CD96: variants seen among roughly 807,000 people sequenced by gnomAD.
CD96 encodes CD96 molecule.
CD96 carries 70 observed loss-of-function variants against 71.3 expected under a neutral mutation model. The ratio of observed to expected loss-of-function variants is 0.98; its 90% CI spans 0.81 to 1.20. The LOEUF (loss-of-function observed/expected upper bound fraction) is 1.20. Among genes scored for constraint, CD96 ranks in the 50% most tolerant of loss-of-function variants. The pLI is 0.00. For missense variants in CD96, 742 were observed against 677.5 expected, an observed-to-expected ratio of 1.10 and a Z score of -1.06; for synonymous variants, 248 against 233.0, an observed-to-expected ratio of 1.06 and a Z score of -0.59.
chr3:111,568,605 A>C (rs1274050663), intron 3 of CD96, among the ~76,000 whole-genome samples: 1 of 152,212 alleles, frequency 6.6e-6, no homozygotes, highest in Non-Finnish European at 1.5e-5. Context: ...ACAAAACTGC[A>C]TCAGTTATCT....
chr3:111,644,770 T>G (rs1245606229), intron 12 of CD96, among the ~76,000 whole-genome samples: 1 of 152,104 alleles, frequency 6.6e-6, no homozygotes, highest in African/African-American at 2.4e-5. Context: ...GAAAAAATGC[T>G]CAACATCACT....
intron 7 of CD96, among the ~76,000 whole-genome samples, chr3:111,603,027 C>T (rs576665075): frequency 6.6e-6 from 1 of 152,232 alleles, no homozygotes; most frequent in African/African-American, 2.4e-5. Flanking sequence ...CTAGAAAACT[C>T]AGACAGGGCA....
At chr3:111,645,423 T>C (rs539946646) in intron 12 of CD96, among the ~76,000 whole-genome samples, 1 of 152,204 alleles carries the variant, frequency 6.6e-6, no homozygotes, top group East Asian at 1.9e-4. Context: ...ATGCACTGTA[T>C]ACTGCTTGGG....
At chr3:111,645,896 A>C (rs1027620403) in intron 12 of CD96, among the ~76,000 whole-genome samples, 1 of 152,190 alleles carries the variant, frequency 6.6e-6, no homozygotes, top group African/African-American at 2.4e-5. Flanking sequence ...TAACATGATA[A>C]CATCACATGG....
chr3:111,580,203 G>T (rs1936402251), intron 4 of CD96, among the ~76,000 whole-genome samples: 1 of 152,190 alleles, frequency 6.6e-6, no homozygotes, highest in Non-Finnish European at 1.5e-5. Flanking sequence ...GCACTCTCAG[G>T]AGTGTGGAGC....
At chr3:111,548,315 G>A (rs1455181989) in intron 2 of CD96, among the ~76,000 whole-genome samples, 1 of 152,124 alleles carries the variant, frequency 6.6e-6, no homozygotes, top group Non-Finnish European at 1.5e-5. Flanking sequence ...TTCCCCAAGG[G>A]CCTAGCTGTG....
At chr3:111,644,889 G>A (rs1304716131) in intron 12 of CD96, among the ~76,000 whole-genome samples, 1 of 152,116 alleles carries the variant, frequency 6.6e-6, no homozygotes, top group Non-Finnish European at 1.5e-5. Flanking sequence ...GTGGTGAACA[G>A]AGAACGCTTC....
At chr3:111,612,701 T>C (rs1157623736) in intron 8 of CD96, 1 of 162,792 alleles carries the variant, frequency 6.1e-6, no homozygotes, top group Non-Finnish European at 1.3e-5. Context: ...AAAGAGTACA[T>C]GGTTGGTGCT....
intron 4 of CD96, 49 bp downstream of exon 4, chr3:111,579,283 C>A: frequency 1.0e-6 from 1 of 994,016 alleles, no homozygotes; most frequent in Non-Finnish European, 1.6e-6. Context: ...TGTCTCCTGC[C>A]CTGCTCTTCC....
intron 1 of CD96, among the ~76,000 whole-genome samples, chr3:111,544,619 T>G (rs1934289134): frequency 1.3e-5 from 2 of 152,238 alleles, no homozygotes; most frequent in South Asian, 4.1e-4. Context: ...TCATTTATTT[T>G]TGCAGTTTCA....
downstream of CD96, among the ~76,000 whole-genome samples, chr3:111,657,347 G>A (rs1336683417): frequency 1.3e-5 from 2 of 152,060 alleles, no homozygotes; most frequent in African/African-American, 2.4e-5. Flanking sequence ...GAACCCAGGA[G>A]GTGGAGGTTG....
chr3:111,625,420 T>C (rs1576406053), intron 10 of CD96, among the ~76,000 whole-genome samples: 1 of 151,944 alleles, frequency 6.6e-6, no homozygotes, highest in East Asian at 1.9e-4. Context: ...TACCCAAATA[T>C]AAGAATTGAA....
intron 5 of CD96, chr3:111,594,274 A>G (rs1341568568): frequency 6.7e-7 from 1 of 1,497,892 alleles, no homozygotes; most frequent in Non-Finnish European, 9.0e-7. Context: ...CACAAGATTA[A>G]ATATATATTT....
At chr3:111,664,911 C>T (rs1169354162) in intron 14 of CD96, among the ~76,000 whole-genome samples, 2 of 152,084 alleles carry the variant, frequency 1.3e-5, no homozygotes, top group Admixed American at 1.3e-4. Flanking sequence ...GTATTTATAA[C>T]TCCGATGTTG....
At position 111,567,584 on chromosome 3, in the gene CD96, A is replaced by C; in HGVS notation, c.480A>C (p.Glu160Asp). Residue 160 changes from glutamate (E) to aspartate (D), a missense_variant, in exon 3 of 14, where the codon GAA becomes GAC. Coordinates refer to ENST00000352690, the MANE Select transcript of CD96 (RefSeq NM_005816.5). ...TIEIEINQTL[E>D]IPCFQNSSSK... is the part of the protein sequence containing the mutation. The stretch of plus-strand genomic sequence containing the variant: ...AAATAGAGATAAATCAGACTCTGGA[A>C]ATACCATGCTTTCAAAATAGCTCCT... The C allele has an allele frequency of 1.9e-6, 3 of 1,609,304 alleles. No individual in the cohort carries two copies. Among genetic ancestry groups the C allele is most frequent in the Non-Finnish European group, 2.6e-6 (3 of 1,175,642 alleles).
chr3:111,649,910 C>A lies in CD96; in HGVS notation c.*104C>A. On this transcript the variant is annotated 3_prime_UTR_variant, in exon 14 of 14. Coordinates refer to ENST00000352690, the MANE Select transcript of CD96 (RefSeq NM_005816.5). ...TCGCTCTTCAGCCATGCCTTTGCTG[C>A]AGCTGAAATGGAAGTCAGAAGTGAG... 1.2e-6 allele frequency: 1 copy of A among 808,684 alleles called. No homozygotes were observed. Among genetic ancestry groups the A allele is most frequent in the Non-Finnish European group, 2.1e-6 (1 of 466,282 alleles). The allele number at this position is 808,684 out of a possible 1,614,324, so 50.1% of individuals were successfully genotyped here.
At chr3:111,661,053 A>C (rs1234925641) in intron 14 of CD96, among the ~76,000 whole-genome samples, 1 of 152,192 alleles carries the variant, frequency 6.6e-6, no homozygotes, top group African/African-American at 2.4e-5. Context: ...GGCTGTATGG[A>C]GGAATGGCTG....
At chr3:111,601,041 A>T in intron 7 of CD96, 127 bp downstream of exon 7, 1 of 618,632 alleles carries the variant, frequency 1.6e-6, no homozygotes, top group Admixed American at 3.1e-5. Flanking sequence ...TGTAACTCAA[A>T]ACTATTTCAA....
rs943625439 is a variant in CD96 at position 111,651,567 on chromosome 3, C to G, written c.*1761C>G. On this transcript the variant is annotated 3_prime_UTR_variant, in exon 14 of 14. Coordinates refer to ENST00000352690, the MANE Select transcript of CD96 (RefSeq NM_005816.5). ...AGCCCATTCCCATGCCATGAAGACACCAAGGCAGCCCTATTGAGAAATCTA... is the reference window on the plus strand; with the variant it reads ...AGCCCATTCCCATGCCATGAAGACAGCAAGGCAGCCCTATTGAGAAATCTA... 1.3e-5 allele frequency: 2 copies of G among 152,402 alleles called. No individual in the cohort carries two copies. The allele number at this position is 152,402 out of a possible 1,614,324, so 9.4% of individuals were successfully genotyped here.
Sources: gnomAD v4.1 joint callset for allele counts (sites outside exome capture counted in the v4.1 genomes callset) on GRCh38, gnomAD v4.1.1 for gene constraint, MANE v1.5 for transcripts, NCBI Gene and HGNC (gene_info 2026-07-23, HGNC 2026-07-21) for gene names.